Variants in ITPR2 observed in about 807,000 individuals in gnomAD.
The protein encoded by ITPR2 is inositol 1,4,5-trisphosphate-gated calcium channel ITPR2.
ITPR2 carries 207 observed loss-of-function variants against 317.1 expected under a neutral mutation model. The ratio of observed to expected loss-of-function variants is 0.65; its 90% CI spans 0.58 to 0.73. The LOEUF is 0.73. Among genes scored for constraint, ITPR2 ranks in the 30% least tolerant of loss-of-function variants. ITPR2 has a pLI of 0.00. For synonymous variants in ITPR2, 1,156 were observed against 1,149.1 expected, an observed-to-expected ratio of 1.01 and a Z score of -0.12; for missense variants, 2,613 against 3,284.0, an observed-to-expected ratio of 0.80 and a Z score of 4.99.
intron 21 of ITPR2, among the ~76,000 whole-genome samples, chr12:26,632,523 A>AT (rs1946778174): frequency 1.3e-5 from 2 of 152,184 alleles, no homozygotes. Context: ...CAAACCAGGG[A>AT]TTTTTTAGCT....
chr12:26,721,499 G>A (rs557438437), intron 5 of ITPR2, among the ~76,000 whole-genome samples: 15 of 152,068 alleles, frequency 9.9e-5, no homozygotes, highest in East Asian at 5.8e-4. Flanking sequence ...ATATTGCTTC[G>A]AATTCATGTT....
rs1006001259 is a variant in ITPR2, at chr12:26,826,936, A to T, written c.92+5754T>A. Among the ~76,000 whole-genome samples the T allele has an allele frequency of 7.9e-5, 12 of 152,212 alleles. 1 individual carries two copies. Among genetic ancestry groups the T allele is most frequent in the Admixed American group, 5.9e-4 (9 of 15,282 alleles). On this transcript the variant is annotated intron_variant, in intron 1 of 56. Transcript: ENST00000381340. ...TCAAGTTGACGTACACAGAAATGTG[A>T]ATATCTGTTGTCATCAGATGTGGCA...
Position 26,497,950 on chromosome 12 carries a change from G to A in ITPR2, c.5074-2690C>T, listed in dbSNP as rs542672437. On this transcript the variant is annotated intron_variant, in intron 37 of 56. Transcript: ENST00000381340. ...GGATTTCACCATGTTGGCCAGAGCT[G>A]GTCTCGAACTCCTGACCTCAGGCAA... 6.6e-5 allele frequency among the ~76,000 whole-genome samples: 10 copies of A among 152,030 alleles called. No individual in the cohort carries two copies. The East Asian group carries it at 1.9e-3, about 29-fold the overall frequency.
chr12:26,393,084 A>G (rs1939895726), intron 54 of ITPR2, among the ~76,000 whole-genome samples: 1 of 152,198 alleles, frequency 6.6e-6, no homozygotes, highest in Non-Finnish European at 1.5e-5. Flanking sequence ...CATTGTCTTC[A>G]AGGCTGGGAA....
chr12:26,460,388 T>C (rs1452885145), intron 45 of ITPR2, among the ~76,000 whole-genome samples: 1 of 152,216 alleles, frequency 6.6e-6, no homozygotes, highest in Non-Finnish European at 1.5e-5. Flanking sequence ...GTGCAAGCTA[T>C]TTTTCAACAT....
At chr12:26,519,132 A>G (rs1943601518) in intron 37 of ITPR2, among the ~76,000 whole-genome samples, 1 of 152,202 alleles carries the variant, frequency 6.6e-6, no homozygotes, top group African/African-American at 2.4e-5. Context: ...GCACTTTTTA[A>G]CTGTTTCAGA....
At chr12:26,526,352 C>T (rs1197518746) in intron 37 of ITPR2, among the ~76,000 whole-genome samples, 1 of 151,992 alleles carries the variant, frequency 6.6e-6, no homozygotes, top group Non-Finnish European at 1.5e-5. Context: ...CATGAATAGC[C>T]AAGGGAATGG....
chr12:26,720,622 T>C (rs191189611), intron 5 of ITPR2, among the ~76,000 whole-genome samples: 399 of 152,326 alleles, frequency 2.6e-3, no homozygotes, highest in South Asian at 0.012. Context: ...AACGGTGAGC[T>C]GTTTCAGCAA....
chr12:26,653,414 G>T (rs1473311236), intron 21 of ITPR2, among the ~76,000 whole-genome samples: 1 of 151,898 alleles, frequency 6.6e-6, no homozygotes, highest in African/African-American at 2.4e-5. Context: ...GCTAATTTTT[G>T]CATTTTTAGC....
intron 31 of ITPR2, among the ~76,000 whole-genome samples, chr12:26,596,053 G>C (rs1268369991): frequency 6.6e-6 from 1 of 152,168 alleles, no homozygotes; most frequent in African/African-American, 2.4e-5. Flanking sequence ...TCTATCATCA[G>C]AAACAAACTA....
At chr12:26,431,365 G>C (rs1274380722) in intron 48 of ITPR2, among the ~76,000 whole-genome samples, 1 of 152,194 alleles carries the variant, frequency 6.6e-6, no homozygotes, top group African/African-American at 2.4e-5. Context: ...GTCAGCTTCT[G>C]AGTGGACTTC....
intron 37 of ITPR2, among the ~76,000 whole-genome samples, chr12:26,497,877 A>AT: frequency 6.6e-6 from 1 of 151,490 alleles, no homozygotes; most frequent in East Asian, 2.0e-4. Context: ...CGCCTGGCTA[A>AT]TTTTTTTTGT....
Position 26,419,089 on chromosome 12 carries a change from A to G in ITPR2, c.7070T>C (p.Met2357Thr), listed in dbSNP as rs781516981. The G allele has an allele frequency of 3.1e-6, 5 of 1,613,812 alleles. No homozygotes were observed. Among genetic ancestry groups the G allele is most frequent in the Middle Eastern group, 1.7e-4 (1 of 6,060 alleles). The stretch of plus-strand genomic sequence containing the variant: ...GAATTCATGGACAAAAAGGCCCAGC[A>G]TGCAAACCAGGACATACGCCACGTG... ...LYHVAYVLVC[M>T]LGLFVHEFFY... The change falls in exon 50 of 57, where the codon ATG (methionine) becomes ACG (threonine). Residue 2357 changes from methionine to threonine, a missense_variant. Physicochemically the swap from Met to Thr is moderately conservative, Grantham distance 81. This residue lies in a region of ITPR2 where 78 missense variants were observed against 110.3 expected (regional missense o/e 0.71). Coordinates refer to ENST00000381340, the MANE Select transcript of ITPR2 (RefSeq NM_002223.4).
At chr12:26,639,452 C>A (rs1365397339) in intron 21 of ITPR2, among the ~76,000 whole-genome samples, 1 of 151,962 alleles carries the variant, frequency 6.6e-6, no homozygotes, top group Admixed American at 6.6e-5. Flanking sequence ...TTATATGGTT[C>A]CTTTCTATGC....
At chr12:26,679,206 T>C (rs903458531) in intron 13 of ITPR2, among the ~76,000 whole-genome samples, 2 of 152,146 alleles carry the variant, frequency 1.3e-5, no homozygotes, top group African/African-American at 4.8e-5. Context: ...TGCGACTGAA[T>C]ATACAATAGT....
intron 2 of ITPR2, among the ~76,000 whole-genome samples, chr12:26,787,349 A>C (rs1221405984): frequency 6.6e-6 from 1 of 152,234 alleles, no homozygotes; most frequent in Admixed American, 6.5e-5. Flanking sequence ...AGCAAGGATA[A>C]TGACCTCAAT....
At chr12:26,621,715 G>T (rs1946500589) in intron 25 of ITPR2, among the ~76,000 whole-genome samples, 1 of 151,860 alleles carries the variant, frequency 6.6e-6, no homozygotes, top group African/African-American at 2.4e-5. Flanking sequence ...CTGTAAAACT[G>T]CCTAAATGAT....
chr12:26,504,910 C>T (rs577581350), intron 37 of ITPR2, among the ~76,000 whole-genome samples: 7 of 152,146 alleles, frequency 4.6e-5, no homozygotes, highest in African/African-American at 1.4e-4. Context: ...AGAGCCTCAC[C>T]GTAACACACA....
intron 20 of ITPR2, among the ~76,000 whole-genome samples, chr12:26,654,852 G>A (rs1947337461): frequency 6.6e-6 from 1 of 152,206 alleles, no homozygotes; most frequent in Non-Finnish European, 1.5e-5. Flanking sequence ...AGTGACCTTA[G>A]AAACAGACTG....
Sources: gnomAD v4.1 joint callset for allele counts (sites outside exome capture counted in the v4.1 genomes callset) on GRCh38, gnomAD v4.1.1 for gene constraint, gnomAD v4.1.1 regional missense constraint, MANE v1.5 for transcripts, NCBI Gene and HGNC (gene_info 2026-07-23, HGNC 2026-07-21) for gene names.